Variants in TMEFF1 observed in about 807,000 individuals in gnomAD.
The protein encoded by TMEFF1 is transmembrane protein with EGF like and two follistatin like domains 1.
A neutral mutation model predicts 47.5 loss-of-function variants in TMEFF1; 20 were observed. The ratio of observed to expected loss-of-function variants is 0.42; its 90% CI spans 0.30 to 0.61. The LOEUF is 0.61. TMEFF1 is among the 20% of genes least tolerant of loss of function. The probability of loss-of-function intolerance (pLI) is 0.19; values close to 1 mark genes in which losing one functional copy is unlikely to be tolerated. For synonymous variants in TMEFF1, 162 were observed against 166.3 expected (o/e 0.97, Z 0.20); for missense variants, 411 against 471.1 (o/e 0.87, Z 1.18).
chr9:100,539,716 C>T (rs755666397), intron 5 of TMEFF1, among the ~76,000 whole-genome samples: 3 of 152,142 alleles, frequency 2.0e-5, no homozygotes, highest in Admixed American at 2.0e-4. Flanking sequence ...GCTTCCACAG[C>T]GTGGAAGGGT....
chr9:100,511,754 C>G (rs935755551), intron 3 of TMEFF1, among the ~76,000 whole-genome samples: 1 of 152,006 alleles, frequency 6.6e-6, no homozygotes, highest in South Asian at 2.1e-4. Context: ...GACATAAGTA[C>G]CTCCAGCCAA....
At chr9:100,509,494 TC>T (rs1450390914) in intron 3 of TMEFF1, among the ~76,000 whole-genome samples, 1 of 151,928 alleles carries the variant, frequency 6.6e-6, no homozygotes, top group Non-Finnish European at 1.5e-5. Flanking sequence ...GTGAGGAAGG[TC>T]GGGTGCGGTG....
intron 1 of TMEFF1, among the ~76,000 whole-genome samples, chr9:100,479,617 G>T (rs1465531260): frequency 1.3e-5 from 2 of 152,172 alleles, no homozygotes; most frequent in African/African-American, 2.4e-5. Context: ...GGGATCATAT[G>T]AGGTGTGTTC....
At chr9:100,530,766 G>A (rs1838360997) in intron 5 of TMEFF1, among the ~76,000 whole-genome samples, 1 of 151,906 alleles carries the variant, frequency 6.6e-6, no homozygotes, top group East Asian at 1.9e-4. Flanking sequence ...TACCAAAGCC[G>A]GGCAGAGACA....
chr9:100,551,250 T>C (rs1367503943), intron 7 of TMEFF1, among the ~76,000 whole-genome samples: 1 of 152,218 alleles, frequency 6.6e-6, no homozygotes, highest in Non-Finnish European at 1.5e-5. Context: ...TGAGATAATA[T>C]ATGTTAAGTG....
Position 100,553,945 on chromosome 9 carries a change from C to T in TMEFF1, c.775+3785C>T, listed in dbSNP as rs2118526846. 1.3e-5 allele frequency among the ~76,000 whole-genome samples: 2 copies of T among 152,266 alleles called. 1 individual carries two copies. Among genetic ancestry groups the T allele is most frequent in the South Asian group, 4.2e-4 (2 of 4,810 alleles). ...TTATAATTGATACCATTTCCACCTG[C>T]ACAGGAAGTTTCTCTGTGGTATATG... On this transcript the variant is annotated intron_variant, in intron 7 of 9. Coordinates refer to ENST00000374879, the MANE Select transcript of TMEFF1 (RefSeq NM_003692.5).
rs1392172776 is a variant in TMEFF1 at position 100,505,311 on chromosome 9, C to T, written c.307-3694C>T. 3.6e-5 allele frequency among the ~76,000 whole-genome samples: 5 copies of T among 140,034 alleles called. No individual in the cohort carries two copies. The South Asian group carries it at 1.2e-3, about 34-fold the overall frequency. 91.9% of individuals were successfully genotyped at this position (140,034 alleles called of 152,430 possible). A position where few individuals can be genotyped will look rare whatever the true frequency, so the allele number is the denominator to read the frequency against. ...CCTGTAATCCCAGCTACTTGGGAGG[C>T]TGAGGCAGGAGAATTGCATGAACCT... is the stretch of plus-strand genomic sequence containing the variant. On this transcript the variant is annotated intron_variant, in intron 2 of 9. Coordinates refer to ENST00000374879, the MANE Select transcript of TMEFF1 (RefSeq NM_003692.5).
chr9:100,490,371 A>G (rs1195418569), intron 1 of TMEFF1, among the ~76,000 whole-genome samples: 1 of 152,144 alleles, frequency 6.6e-6, no homozygotes, highest in Non-Finnish European at 1.5e-5. Context: ...ATTTCCTGGG[A>G]CTTGAAGTCA....
chr9:100,546,429 T>TCCC (rs200756105), intron 5 of TMEFF1, among the ~76,000 whole-genome samples: 118 of 141,878 alleles, frequency 8.3e-4, no homozygotes, highest in Non-Finnish European at 1.5e-3. Context: ...CATAATTCAA[T>TCCC]CCCCCCCCCA....
chr9:100,540,987 C>T (rs1048344486), intron 5 of TMEFF1, among the ~76,000 whole-genome samples: 1 of 152,108 alleles, frequency 6.6e-6, no homozygotes, highest in Admixed American at 6.5e-5. Context: ...CTATGTTTAT[C>T]TTTTTGTTTG....
intron 1 of TMEFF1, among the ~76,000 whole-genome samples, chr9:100,491,635 C>T (rs1006815920): frequency 6.6e-6 from 1 of 152,092 alleles, no homozygotes; most frequent in Admixed American, 6.5e-5. Flanking sequence ...TGAATACTGC[C>T]AGAGAATGAA....
At chr9:100,479,912 ACT>A (rs1177103824) in intron 1 of TMEFF1, among the ~76,000 whole-genome samples, 5 of 152,012 alleles carry the variant, frequency 3.3e-5, no homozygotes, top group Non-Finnish European at 5.9e-5. Context: ...TCATATGGTA[ACT>A]CTGTGTTTCA....
In TMEFF1 at chr9:100,509,641, G is replaced by A. The variant is rs182426867; in HGVS notation, c.436+507G>A. Reference sequence around the variant, plus strand: ...TACAAAAAATTAGCTGGGTGTGGTGGCGGGCACCTGTAGTCCCAGCTACTC... The same window carrying A: ...TACAAAAAATTAGCTGGGTGTGGTGACGGGCACCTGTAGTCCCAGCTACTC... On this transcript the variant is annotated intron_variant, in intron 3 of 9. Coordinates refer to ENST00000374879, the MANE Select transcript of TMEFF1 (RefSeq NM_003692.5). Among the ~76,000 whole-genome samples, 381 of 152,182 alleles carry A rather than the reference G, an allele frequency of 2.5e-3. 3 individuals carry two copies. The highest frequency in any genetic ancestry group is 0.018 in the South Asian group (87 of 4,806).
intron 1 of TMEFF1, among the ~76,000 whole-genome samples, chr9:100,495,422 A>G (rs1182660404): frequency 6.6e-6 from 1 of 152,188 alleles, no homozygotes; most frequent in Non-Finnish European, 1.5e-5. Context: ...CCTATGCCTC[A>G]AATCCAGTTT....
chr9:100,539,181 C>G (rs560229144), intron 5 of TMEFF1, among the ~76,000 whole-genome samples: 1 of 152,332 alleles, frequency 6.6e-6, no homozygotes, highest in East Asian at 1.9e-4. Context: ...GCTGGGATTA[C>G]AGGCATGAAC....
intron 1 of TMEFF1, among the ~76,000 whole-genome samples, chr9:100,494,821 C>T (rs965149369): frequency 6.6e-6 from 1 of 152,178 alleles, no homozygotes. Flanking sequence ...CATTCATGAG[C>T]TTGTGACATT....
intron 5 of TMEFF1, among the ~76,000 whole-genome samples, chr9:100,532,226 C>G (rs533643587): frequency 6.6e-6 from 1 of 151,832 alleles, no homozygotes; most frequent in African/African-American, 2.4e-5. Context: ...GCAACAAAAG[C>G]CAAAATTGAC....
chr9:100,554,862 A>G (rs959415493), intron 7 of TMEFF1, among the ~76,000 whole-genome samples: 1 of 152,072 alleles, frequency 6.6e-6, no homozygotes, highest in African/African-American at 2.4e-5. Flanking sequence ...TTACTGATGC[A>G]GTGTTGATAT....
chr9:100,525,528 C>T (rs766855771), intron 5 of TMEFF1, among the ~76,000 whole-genome samples: 115 of 152,082 alleles, frequency 7.6e-4, no homozygotes, highest in Non-Finnish European at 1.3e-3. Flanking sequence ...TCAAGTGCAC[C>T]ACCGAGATGT....
Sources: allele counts gnomAD v4.1 joint callset (sites outside exome capture counted in the v4.1 genomes callset), GRCh38; gene constraint gnomAD v4.1.1; transcripts MANE v1.5; gene names NCBI Gene and HGNC (gene_info 2026-07-23, HGNC 2026-07-21).